The following DOCK3 variants were observed in gnomAD, a reference collection of about 807,000 sequenced individuals.
DOCK3 encodes dedicator of cytokinesis 3.
Under a neutral mutation model 265.6 loss-of-function variants are expected in DOCK3, and 60 were observed. The observed-to-expected ratio is 0.23, with a 90% CI of 0.18 to 0.28. DOCK3 has a LOEUF of 0.28. Ranked by LOEUF, DOCK3 falls within the 10% of genes least tolerant of loss-of-function variation. DOCK3 has a pLI of 1.00. For synonymous variants in DOCK3, 881 were observed against 938.0 expected (o/e 0.94, Z 1.11); for missense variants, 1,981 against 2,594.3 (o/e 0.76, Z 5.14).
intron 25 of DOCK3, chr3:51,276,551 G>C (rs928029045): frequency 3.1e-5 from 16 of 524,588 alleles, no homozygotes; most frequent in Non-Finnish European, 3.9e-5. Context: ...GTTATGATCA[G>C]TTCGACAGAT....
chr3:51,213,307 T>G (rs999759833), intron 13 of DOCK3, among the ~76,000 whole-genome samples: 2 of 152,060 alleles, frequency 1.3e-5, no homozygotes, highest in African/African-American at 4.8e-5. Context: ...CATTCACAGT[T>G]ATAGAGGTAA....
Position 50,830,667 on chromosome 3 carries a change from G to C in DOCK3, c.122-11008G>C, listed in dbSNP as rs148212535. ...TTCATTCTTTTGGGTTCACACTGCC[G>C]ACACTGTTCTGCAGCTTCTCTGTCA... On this transcript the variant is annotated intron_variant, in intron 2 of 52. Transcript: ENST00000266037. 1.6e-3 allele frequency among the ~76,000 whole-genome samples: 236 copies of C among 152,224 alleles called. 2 individuals are homozygous for C. The highest frequency in any genetic ancestry group is 7.9e-3 in the East Asian group (41 of 5,180).
chr3:50,711,553 C>T (rs554248103), intron 1 of DOCK3, among the ~76,000 whole-genome samples: 22 of 152,214 alleles, frequency 1.4e-4, no homozygotes, highest in African/African-American at 3.1e-4. Context: ...TGAACCACCG[C>T]GCCCGGCCCA....
At chr3:51,063,048 T>C (rs2081471174) in intron 5 of DOCK3, among the ~76,000 whole-genome samples, 1 of 152,192 alleles carries the variant, frequency 6.6e-6, no homozygotes, top group Non-Finnish European at 1.5e-5. Context: ...ATTCCTAACA[T>C]CTTCTAGTTA....
At chr3:51,263,216 G>T (rs1018239889) in intron 23 of DOCK3, among the ~76,000 whole-genome samples, 2 of 152,196 alleles carry the variant, frequency 1.3e-5, no homozygotes, top group African/African-American at 4.8e-5. Flanking sequence ...ACTAAGAGCA[G>T]ATTTCTCTGC....
chr3:50,984,578 C>G (rs910989169), intron 5 of DOCK3, among the ~76,000 whole-genome samples: 6 of 152,088 alleles, frequency 3.9e-5, no homozygotes, highest in Non-Finnish European at 7.4e-5. Flanking sequence ...AGAAAAGATT[C>G]CTGCTGAGAA....
rs202056998 is a variant in DOCK3 at position 51,310,333 on chromosome 3, A to G, written c.3017+7A>G. 246 of 1,582,754 alleles carry G rather than the reference A, an allele frequency of 1.6e-4. No individual in the cohort carries two copies. Among genetic ancestry groups the G allele is most frequent in the South Asian group, 2.5e-4 (22 of 86,376 alleles). ...TGAGACTGCTCACAAGCAAGTAAGT[A>G]TGGAAGGGCTCTGTATCAGCATCAC... On this transcript the variant is annotated splice_region_variant and intron_variant, in intron 28 of 52. Transcript: ENST00000266037.
chr3:50,842,302 T>A (rs1207635930), intron 3 of DOCK3, among the ~76,000 whole-genome samples: 1 of 152,224 alleles, frequency 6.6e-6, no homozygotes, highest in Non-Finnish European at 1.5e-5. Flanking sequence ...GTAATTAATA[T>A]TATCAGCTTT....
intron 5 of DOCK3, among the ~76,000 whole-genome samples, chr3:50,983,866 G>A (rs1469018252): frequency 6.6e-6 from 1 of 152,028 alleles, no homozygotes; most frequent in African/African-American, 2.4e-5. Context: ...CCAGTCCTGG[G>A]GTATGACTCG....
intron 1 of DOCK3, among the ~76,000 whole-genome samples, chr3:50,746,108 A>G (rs978490692): frequency 6.4e-5 from 6 of 93,700 alleles, no homozygotes; most frequent in African/African-American, 2.0e-4. Flanking sequence ...GATGATGTCT[A>G]ATTTTTTTTT....
intron 5 of DOCK3, among the ~76,000 whole-genome samples, chr3:50,969,666 G>C (rs780483686): frequency 6.6e-6 from 1 of 152,108 alleles, no homozygotes; most frequent in African/African-American, 2.4e-5. Flanking sequence ...TTTTAGTACT[G>C]ATCTAGTGGT....
Position 51,016,046 on chromosome 3 carries a change from GAT to G in DOCK3, c.316-48395_316-48394del, listed in dbSNP as rs1297889404. Among the ~76,000 whole-genome samples the G allele has an allele frequency of 4.9e-4, 2 of 4,122 alleles. 1 individual carries two copies. Among genetic ancestry groups the G allele is most frequent in the Non-Finnish European group, 7.8e-4 (2 of 2,560 alleles). The allele number at this position is 4,122 out of a possible 152,430, so 2.7% of individuals were successfully genotyped here. A position where few individuals can be genotyped will look rare whatever the true frequency, so the allele number is the denominator to read the frequency against. ...ATATATATCATATATTTCTACATAT[GAT>G]ATATATCATATATTTCTACATAATA... On this transcript the variant is annotated intron_variant, in intron 5 of 52. Transcript: ENST00000266037.
At chr3:51,101,465 A>C (rs1037432084) in intron 9 of DOCK3, among the ~76,000 whole-genome samples, 2 of 152,178 alleles carry the variant, frequency 1.3e-5, no homozygotes, top group South Asian at 4.1e-4. Context: ...AGAGATCATC[A>C]GGATGCTGAA....
chr3:50,720,420 T>C (rs767844083), intron 1 of DOCK3, among the ~76,000 whole-genome samples: 2 of 152,214 alleles, frequency 1.3e-5, no homozygotes, highest in African/African-American at 2.4e-5. Context: ...GTTAGTTCAC[T>C]TGGGAAAATG....
chr3:50,857,988 T>C (rs1225671713), intron 3 of DOCK3, among the ~76,000 whole-genome samples: 3 of 152,082 alleles, frequency 2.0e-5, no homozygotes, highest in Admixed American at 1.3e-4. Flanking sequence ...CGTATGTTTA[T>C]TGCAGCACTA....
At chr3:50,970,947 AAT>A (rs1491332193) in intron 5 of DOCK3, among the ~76,000 whole-genome samples, 4 of 53,296 alleles carry the variant, frequency 7.5e-5, no homozygotes, top group Admixed American at 3.0e-4. Flanking sequence ...ATATATATAT[AAT>A]GTGTGTGTGT....
chr3:51,051,631 T>C (rs2080997154), intron 5 of DOCK3, among the ~76,000 whole-genome samples: 1 of 152,222 alleles, frequency 6.6e-6, no homozygotes, highest in Admixed American at 6.5e-5. Flanking sequence ...CCAACCATTC[T>C]GACTCTAAAG....
At chr3:51,379,625 A>ACTC in intron 51 of DOCK3, 3 of 985,456 alleles carry the variant, frequency 3.0e-6, no homozygotes, top group Non-Finnish European at 3.6e-6. Flanking sequence ...GACTCTGCTC[A>ACTC]AGGGCCACAG....
intron 15 of DOCK3, among the ~76,000 whole-genome samples, chr3:51,226,467 T>A (rs2090329278): frequency 6.6e-6 from 1 of 152,242 alleles, no homozygotes. Flanking sequence ...GGAATGATCA[T>A]TCCCATTTGA....
Sources: gnomAD v4.1 joint callset for allele counts (sites outside exome capture counted in the v4.1 genomes callset) on GRCh38, gnomAD v4.1.1 for gene constraint, MANE v1.5 for transcripts, NCBI Gene and HGNC (gene_info 2026-07-23, HGNC 2026-07-21) for gene names.